CKAP5: variants seen among roughly 807,000 people sequenced by gnomAD.
The protein encoded by CKAP5 is cytoskeleton associated protein 5.
Under a neutral mutation model 232.8 loss-of-function variants are expected in CKAP5, and 27 were observed. That is an observed-to-expected ratio of 0.12 (90% confidence interval 0.09 to 0.16). CKAP5 has a LOEUF of 0.16. Among genes scored for constraint, CKAP5 ranks in the 10% least tolerant of loss-of-function variants. CKAP5 has a pLI of 1.00. For missense variants in CKAP5, 1,838 were observed against 2,424.7 expected, an observed-to-expected ratio of 0.76 and a Z score of 5.08; for synonymous variants, 785 against 841.1, an observed-to-expected ratio of 0.93 and a Z score of 1.16.
chr11:46,802,927 T>C (rs1185993784), intron 8 of CKAP5, among the ~76,000 whole-genome samples: 2 of 152,152 alleles, frequency 1.3e-5, no homozygotes, highest in African/African-American at 4.8e-5. Flanking sequence ...AAGTTTAATT[T>C]TCACCCAAAC....
At chr11:46,752,575 T>C in intron 38 of CKAP5, 60 bp downstream of exon 38, 1 of 1,328,612 alleles carries the variant, frequency 7.5e-7, no homozygotes, top group Non-Finnish European at 1.1e-6. Flanking sequence ...TCTTTCCCCA[T>C]ACTTTTAACA....
intron 1 of CKAP5, among the ~76,000 whole-genome samples, chr11:46,824,874 C>T (rs1018486219): frequency 7.9e-5 from 12 of 152,152 alleles, no homozygotes; most frequent in African/African-American, 2.9e-4. Context: ...TTAATTTGAA[C>T]TATACATAAT....
chr11:46,754,857 G>T, intron 36 of CKAP5, 31 bp downstream of exon 36: 2 of 1,588,798 alleles, frequency 1.3e-6, no homozygotes, highest in East Asian at 4.5e-5. Context: ...GAGATTGATG[G>T]GAAGCTGAAA....
chr11:46,756,661 G>A (rs561964572), intron 35 of CKAP5, among the ~76,000 whole-genome samples: 93 of 152,076 alleles, frequency 6.1e-4, no homozygotes, highest in African/African-American at 1.9e-3. Context: ...AAGACCAGTC[G>A]AGAATCATGC....
intron 1 of CKAP5, among the ~76,000 whole-genome samples, chr11:46,831,234 T>A (rs1035895760): frequency 6.6e-6 from 1 of 152,132 alleles, no homozygotes; most frequent in Admixed American, 6.5e-5. Context: ...ATTTTTTATA[T>A]TATTAAATTT....
chr11:46,765,832 T>A (rs2065198551), intron 27 of CKAP5, among the ~76,000 whole-genome samples: 1 of 152,144 alleles, frequency 6.6e-6, no homozygotes. Flanking sequence ...CTCGAGCTCC[T>A]GACCTCAAGT....
At chr11:46,796,298 A>G (rs959394567) in intron 12 of CKAP5, among the ~76,000 whole-genome samples, 14 of 152,162 alleles carry the variant, frequency 9.2e-5, no homozygotes, top group Admixed American at 1.3e-4. Flanking sequence ...TTCTTTACAA[A>G]TTAGAATTGT....
intron 4 of CKAP5, among the ~76,000 whole-genome samples, chr11:46,815,197 T>C (rs4469848): frequency 0.14 from 21,196 of 152,084 alleles, 2,475 homozygotes; most frequent in East Asian, 0.61. Flanking sequence ...ATTACAGGCA[T>C]GCGCCACCAT....
At chr11:46,814,208 T>C (rs980916145) in intron 4 of CKAP5, among the ~76,000 whole-genome samples, 2 of 151,346 alleles carry the variant, frequency 1.3e-5, no homozygotes, top group Admixed American at 6.6e-5. Context: ...AAAAGATTTA[T>C]TGATATAAGC....
At chr11:46,753,084 A>G (rs754307028) in intron 37 of CKAP5, 10 of 461,372 alleles carry the variant, frequency 2.2e-5, no homozygotes, top group Non-Finnish European at 3.8e-5. Context: ...TCAGGCTAAA[A>G]TACCTTTGGT....
chr11:46,786,275 C>T (rs186276084), intron 16 of CKAP5, among the ~76,000 whole-genome samples: 71 of 152,320 alleles, frequency 4.7e-4, no homozygotes, highest in South Asian at 2.5e-3. Context: ...CCCTTTTCTT[C>T]CAGCTCCACA....
chr11:46,790,269 T>G (rs1394657470), intron 14 of CKAP5, 83 bp from the exon 15 acceptor site: 2 of 943,018 alleles, frequency 2.1e-6, no homozygotes, highest in Non-Finnish European at 3.3e-6. Flanking sequence ...CAGCCAAAAC[T>G]AAAAGAATAC....
At chr11:46,758,858 A>G (rs1208237342) in intron 35 of CKAP5, 65 bp downstream of exon 35, 16 of 1,576,980 alleles carry the variant, frequency 1.0e-5, no homozygotes, top group Non-Finnish European at 1.2e-5. Flanking sequence ...CGAGTGTGCA[A>G]TTCATCACAT....
Position 46,751,499 on chromosome 11 carries a change from G to A in CKAP5, c.5169C>T (p.Thr1723=), listed in dbSNP as rs2065064174. 6.2e-7 allele frequency: 1 copy of A among 1,613,330 alleles called. No individual in the cohort carries two copies. Among genetic ancestry groups the A allele is most frequent in the Admixed American group, 1.7e-5 (1 of 59,920 alleles). Residue 1723 remains threonine, a synonymous_variant, in exon 39 of 44, where the codon ACC becomes ACT. Coordinates refer to ENST00000529230, the MANE Select transcript of CKAP5 (RefSeq NM_001008938.4). ...TTCTGTCTAGGTTAATGCTATTGAT[G>A]GTATCAGGCAACAGTCGAACCATTC... ...LWRMVRLLPD[T]INSINLDRIL...
At position 46,770,923 on chromosome 11, in the gene CKAP5, G is replaced by T. The variant is rs1318973984; in HGVS notation, c.3051C>A (p.Ile1017=). Residue 1017 remains isoleucine (I), a synonymous_variant, in exon 25 of 44, where the codon ATC becomes ATA. Transcript: ENST00000529230. ...AGGAGTAGAGATGAGGAACACAAAG[G>T]ATAAGGTCTGTAGGGGTGGAACGAA... ...PTLRSTPTDL[I]LCVPHLYSCL... is the part of the protein sequence containing the mutation. 1 of 1,614,016 alleles carries T rather than the reference G, an allele frequency of 6.2e-7. No homozygotes were observed.
intron 2 of CKAP5, among the ~76,000 whole-genome samples, chr11:46,819,803 T>A (rs1939486381): frequency 6.6e-6 from 1 of 152,132 alleles, no homozygotes; most frequent in South Asian, 2.1e-4. Context: ...CATTACCTAT[T>A]CTGCAAAATT....
intron 4 of CKAP5, among the ~76,000 whole-genome samples, chr11:46,815,111 C>T (rs1939367162): frequency 6.6e-6 from 1 of 152,178 alleles, no homozygotes; most frequent in Non-Finnish European, 1.5e-5. Flanking sequence ...AGTGCAGTGG[C>T]ATGATCTTGG....
chr11:46,780,108 C>T, intron 20 of CKAP5, 86 bp downstream of exon 20: 3 of 1,419,124 alleles, frequency 2.1e-6, no homozygotes, highest in South Asian at 2.4e-5. Flanking sequence ...GCTGGGACTA[C>T]AGGCGTGCAC....
At chr11:46,804,994 C>T (rs1180704200) in intron 8 of CKAP5, among the ~76,000 whole-genome samples, 1 of 151,382 alleles carries the variant, frequency 6.6e-6, no homozygotes, top group Non-Finnish European at 1.5e-5. Context: ...CCAGCACTTT[C>T]AGAGGCTGAG....
Sources: gnomAD v4.1 joint callset for allele counts (sites outside exome capture counted in the v4.1 genomes callset) on GRCh38, gnomAD v4.1.1 for gene constraint, MANE v1.5 for transcripts, NCBI Gene and HGNC (gene_info 2026-07-23, HGNC 2026-07-21) for gene names.